AFG2A: variants seen among roughly 807,000 people sequenced by gnomAD.
The protein encoded by AFG2A is ATPase family gene 2 protein homolog A.
At chr4:123,156,782 A>G in the AFG2A span, among the ~76,000 whole-genome samples, 129 of 151,642 alleles carry the variant, frequency 8.5e-4, 1 homozygote, top group African/African-American at 2.9e-3. Context: ...AAAAAGAAAA[A>G]AAAAGAAACT....
At chr4:123,212,889 C>T in the AFG2A span, among the ~76,000 whole-genome samples, 1 of 152,124 alleles carries the variant, frequency 6.6e-6, no homozygotes, top group Non-Finnish European at 1.5e-5. Context: ...ATTTAAAATA[C>T]CTCACTAGTT....
the AFG2A span, among the ~76,000 whole-genome samples, chr4:123,105,180 G>T: frequency 6.6e-6 from 1 of 152,122 alleles, no homozygotes; most frequent in African/African-American, 2.4e-5. Flanking sequence ...GAAAATCCTA[G>T]GGTTCTGAAC....
the AFG2A span, among the ~76,000 whole-genome samples, chr4:123,291,085 G>A: frequency 3.9e-5 from 6 of 152,032 alleles, no homozygotes; most frequent in Admixed American, 6.6e-5. Flanking sequence ...TGTTTCGTTT[G>A]TACTATTATT....
the AFG2A span, among the ~76,000 whole-genome samples, chr4:122,971,399 C>A: frequency 6.6e-6 from 1 of 151,944 alleles, no homozygotes; most frequent in Non-Finnish European, 1.5e-5. Context: ...AGAGTGAGAC[C>A]CTGTCTCAAA....
the AFG2A span, among the ~76,000 whole-genome samples, chr4:123,007,635 C>CATAT: frequency 4.3e-5 from 1 of 23,394 alleles, no homozygotes; most frequent in African/African-American, 1.0e-4. Flanking sequence ...TATATACACA[C>CATAT]ACACACAACA....
At chr4:123,174,144 C>G in the AFG2A span, among the ~76,000 whole-genome samples, 5 of 152,296 alleles carry the variant, frequency 3.3e-5, no homozygotes, top group African/African-American at 9.6e-5. Flanking sequence ...TATATACTTT[C>G]AAGCAAGCTA....
the AFG2A span, among the ~76,000 whole-genome samples, chr4:123,098,003 A>G: frequency 6.6e-6 from 1 of 152,096 alleles, no homozygotes; most frequent in Non-Finnish European, 1.5e-5. Context: ...CTTTATTAGA[A>G]CACATCCACA....
At chr4:123,147,454 A>C in the AFG2A span, among the ~76,000 whole-genome samples, 3 of 152,162 alleles carry the variant, frequency 2.0e-5, no homozygotes, top group Non-Finnish European at 2.9e-5. Flanking sequence ...TGAAGATCAT[A>C]ATAATTACCA....
the AFG2A span, among the ~76,000 whole-genome samples, chr4:123,292,205 A>T: frequency 9.9e-4 from 151 of 152,168 alleles, no homozygotes; most frequent in East Asian, 0.011. Flanking sequence ...ATATGTCTTC[A>T]TTTTTAGAAG....
the AFG2A span, among the ~76,000 whole-genome samples, chr4:123,203,060 A>G: frequency 1.3e-5 from 2 of 152,160 alleles, no homozygotes; most frequent in African/African-American, 2.4e-5. Flanking sequence ...ACATAAATAC[A>G]ATCATGCAAT....
the AFG2A span, among the ~76,000 whole-genome samples, chr4:123,248,208 G>T: frequency 6.6e-6 from 1 of 152,108 alleles, no homozygotes; most frequent in Admixed American, 6.6e-5. Flanking sequence ...TGCTTACCCA[G>T]ACTGAAGTAG....
At chr4:123,222,163 GT>G in the AFG2A span, among the ~76,000 whole-genome samples, 428 of 152,268 alleles carry the variant, frequency 2.8e-3, 6 homozygotes, top group African/African-American at 9.9e-3. Context: ...TGGAAATACA[GT>G]TTGTCCTGAG....
chr4:123,053,874 A>G, the AFG2A span, among the ~76,000 whole-genome samples: 3 of 152,104 alleles, frequency 2.0e-5, no homozygotes, highest in Non-Finnish European at 4.4e-5. Flanking sequence ...TCCTCAGGAT[A>G]TGTTGTGGGA....
chr4:122,957,932 G>T, the AFG2A span, among the ~76,000 whole-genome samples: 2 of 152,122 alleles, frequency 1.3e-5, no homozygotes, highest in Non-Finnish European at 2.9e-5. Flanking sequence ...ATTAGTTGAA[G>T]AATAATTTGA....
At chr4:123,034,367 C>T in the AFG2A span, among the ~76,000 whole-genome samples, 2 of 151,672 alleles carry the variant, frequency 1.3e-5, no homozygotes, top group African/African-American at 4.8e-5. Context: ...CCTGAGTGCT[C>T]ATAACCCCTC....
the AFG2A span, among the ~76,000 whole-genome samples, chr4:123,009,234 T>C: frequency 6.6e-6 from 1 of 152,206 alleles, no homozygotes; most frequent in Non-Finnish European, 1.5e-5. Flanking sequence ...GTGAAGTCAC[T>C]ACCAAACAGA....
chr4:122,990,625 C>T, the AFG2A span, among the ~76,000 whole-genome samples: 1 of 152,054 alleles, frequency 6.6e-6, no homozygotes, highest in Admixed American at 6.6e-5. Flanking sequence ...TCTCTGTCTT[C>T]CATGCTGGAG....
the AFG2A span, among the ~76,000 whole-genome samples, chr4:122,923,527 G>A: frequency 6.6e-6 from 1 of 152,154 alleles, no homozygotes; most frequent in Non-Finnish European, 1.5e-5. Context: ...CCGTGTCCAA[G>A]GTTTCTCTTT....
the AFG2A span, among the ~76,000 whole-genome samples, chr4:123,288,133 C>T: frequency 3.4e-4 from 52 of 152,002 alleles, no homozygotes; most frequent in African/African-American, 1.2e-3. Context: ...GTGACCTTGA[C>T]AGAGCAATTC....
Sources: gnomAD v4.1 joint callset for allele counts (sites outside exome capture counted in the v4.1 genomes callset) on GRCh38, gnomAD v4.1.1 for gene constraint, MANE v1.5 for transcripts, NCBI Gene and HGNC (gene_info 2026-07-23, HGNC 2026-07-21) for gene names.